The following IQUB variants were observed in gnomAD, a reference collection of about 807,000 sequenced individuals.
IQUB encodes IQ motif and ubiquitin-like domain-containing protein.
A neutral mutation model predicts 86.4 loss-of-function variants in IQUB; 86 were observed. That is an observed-to-expected ratio of 1.00 (90% CI 0.84 to 1.19). The LOEUF is 1.19. Among genes scored for constraint, IQUB ranks in the 50% most tolerant of loss-of-function variants. IQUB has a pLI of 0.00. For missense variants in IQUB, 946 were observed against 916.9 expected (o/e 1.03, Z -0.41); for synonymous variants, 289 against 304.5 (o/e 0.95, Z 0.53).
intron 7 of IQUB, among the ~76,000 whole-genome samples, chr7:123,486,465 C>A (rs1252045609): frequency 1.3e-5 from 2 of 152,176 alleles, no homozygotes; most frequent in African/African-American, 4.8e-5. Context: ...GAAATTATCC[C>A]TTCTACCTTG....
At chr7:123,454,223 C>T (rs1222624472) in intron 12 of IQUB, among the ~76,000 whole-genome samples, 3 of 152,076 alleles carry the variant, frequency 2.0e-5, no homozygotes, top group Non-Finnish European at 2.9e-5. Flanking sequence ...AACTAACACA[C>T]TTTATTATGC....
chr7:123,478,093 T>C (rs1015892641), intron 8 of IQUB, among the ~76,000 whole-genome samples: 5 of 152,198 alleles, frequency 3.3e-5, no homozygotes, highest in African/African-American at 4.8e-5. Flanking sequence ...TTAGTGGGTA[T>C]ATACTCAAAG....
intron 3 of IQUB, among the ~76,000 whole-genome samples, chr7:123,509,117 G>T (rs1796310401): frequency 6.6e-6 from 1 of 151,882 alleles, no homozygotes; most frequent in Admixed American, 6.6e-5. Flanking sequence ...GAAACTTTTT[G>T]TGGCATCATT....
chr7:123,496,929 T>C lies in IQUB; in HGVS notation c.1024-23A>G, dbSNP rs143637378. ...CACCTATAGTTAAATTAAAAGGAAA[T>C]AGAAAGTGCCTATCATCAACTTTTT... is the stretch of plus-strand genomic sequence containing the variant. On this transcript the variant is annotated intron_variant, in intron 6 of 12. Transcript: ENST00000324698. 2.7e-5 allele frequency: 40 copies of C among 1,495,486 alleles called. No individual in the cohort carries two copies. In the African/African-American group the frequency reaches 4.8e-4, roughly 18 times the overall value. 92.6% of individuals were successfully genotyped at this position (1,495,486 alleles called of 1,614,324 possible).
chr7:123,469,064 T>C, intron 9 of IQUB, 150 bp downstream of exon 9: 1 of 468,834 alleles, frequency 2.1e-6, no homozygotes, highest in African/African-American at 2.0e-5. Flanking sequence ...TTTGAGAACT[T>C]TTAGGTAAAT....
At chr7:123,520,495 T>C (rs77254085) in intron 1 of IQUB, among the ~76,000 whole-genome samples, 2,835 of 152,228 alleles carry the variant, frequency 0.019, 45 homozygotes, top group Non-Finnish European at 0.029. Context: ...GGAATGCCTC[T>C]CTGGTTGAAA....
chr7:123,477,768 A>G (rs1054974149), intron 8 of IQUB, among the ~76,000 whole-genome samples: 1 of 152,210 alleles, frequency 6.6e-6, no homozygotes, highest in Non-Finnish European at 1.5e-5. Flanking sequence ...AACCCCATCA[A>G]AAAGTGGGCA....
intron 7 of IQUB, among the ~76,000 whole-genome samples, chr7:123,480,697 T>C (rs1402000604): frequency 1.3e-5 from 2 of 152,280 alleles, no homozygotes; most frequent in Middle Eastern, 3.4e-3. Context: ...CAAATTGATA[T>C]AGTTTTATGT....
Position 123,461,233 on chromosome 7 carries a change from C to T in IQUB, c.2007+124G>A, listed in dbSNP as rs1243821081. 6 of 982,562 alleles carry T rather than the reference C, an allele frequency of 6.1e-6. No homozygotes were observed. The African/African-American group carries it at 6.5e-5, about 11-fold the overall frequency. The allele number at this position is 982,562 out of a possible 1,614,324, so 60.9% of individuals were successfully genotyped here. A position where few individuals can be genotyped will look rare whatever the true frequency, so the allele number is the denominator to read the frequency against. ...AAAGCATACTCCTGCCCTCACAGAG[C>T]TTACAGTCTAGTGGAATAGAGAGTC... On this transcript the variant is annotated intron_variant, in intron 11 of 12. Transcript: ENST00000324698.
chr7:123,479,119 G>T (rs1382048128), intron 8 of IQUB, among the ~76,000 whole-genome samples: 1 of 152,022 alleles, frequency 6.6e-6, no homozygotes, highest in Non-Finnish European at 1.5e-5. Context: ...AGCACTACAG[G>T]CTAACATCTT....
chr7:123,464,824 G>A lies in IQUB; in HGVS notation c.1758+9C>T, dbSNP rs750462787. ...TTGAAACAGGAATATAGAGAAAAAT[G>A]TAGAATACCTTAAGGTATTTTGCAA... On this transcript the variant is annotated intron_variant, in intron 10 of 12. Coordinates refer to ENST00000324698, the MANE Select transcript of IQUB (RefSeq NM_178827.5). The A allele has an allele frequency of 6.6e-7, 1 of 1,525,160 alleles. No individual in the cohort carries two copies. Among genetic ancestry groups the A allele is most frequent in the East Asian group, 2.3e-5 (1 of 42,652 alleles). 94.5% of individuals were successfully genotyped at this position (1,525,160 alleles called of 1,614,324 possible). A position where few individuals can be genotyped will look rare whatever the true frequency, so the allele number is the denominator to read the frequency against.
At chr7:123,521,522 C>T (rs1430093395) in intron 1 of IQUB, among the ~76,000 whole-genome samples, 1 of 152,038 alleles carries the variant, frequency 6.6e-6, no homozygotes, top group Non-Finnish European at 1.5e-5. Context: ...TGGCACGCAC[C>T]TGCAATTCTA....
intron 12 of IQUB, chr7:123,456,537 A>G (rs1226264732): frequency 6.6e-6 from 1 of 151,756 alleles, no homozygotes; most frequent in African/African-American, 2.4e-5. Context: ...TATATTCATC[A>G]CCCCTTGTTC....
intron 7 of IQUB, among the ~76,000 whole-genome samples, chr7:123,484,200 A>G (rs1414190102): frequency 1.3e-5 from 2 of 152,076 alleles, no homozygotes; most frequent in East Asian, 3.9e-4. Context: ...AAGAAGATTT[A>G]TAAATTTAAA....
intron 8 of IQUB, among the ~76,000 whole-genome samples, chr7:123,470,552 T>C (rs1036925122): frequency 3.9e-5 from 6 of 152,144 alleles, no homozygotes; most frequent in South Asian, 2.1e-4. Context: ...TATAAAACTG[T>C]ATTTAGAATG....
At chr7:123,527,887 A>G (rs1317256976) in intron 1 of IQUB, among the ~76,000 whole-genome samples, 28 of 152,176 alleles carry the variant, frequency 1.8e-4, no homozygotes, top group South Asian at 1.7e-3. Flanking sequence ...AGCAAGCCTG[A>G]GCAATGGCGG....
rs1327709376 is a variant in IQUB, at chr7:123,503,224, G to C, written c.672C>G (p.Ile224Met). ...RIDGLTDVSQIITVTVQTGLD... is the reference protein window; with the variant it reads ...RIDGLTDVSQMITVTVQTGLD... ...AACCAGTTTGGACAGTGACAGTTAT[G>C]ATTTGAGAGACATCAGTTAATCCAT... Residue 224 changes from isoleucine (I) to methionine (M), a missense_variant, in exon 4 of 13, where the codon ATC becomes ATG. By Grantham distance (10) the Ile-to-Met change is conservative (BLOSUM62 1). Transcript: ENST00000324698. 1.9e-6 allele frequency: 3 copies of C among 1,611,550 alleles called. No homozygotes were observed. Among genetic ancestry groups the C allele is most frequent in the Non-Finnish European group, 2.5e-6 (3 of 1,178,974 alleles).
intron 8 of IQUB, among the ~76,000 whole-genome samples, chr7:123,473,670 G>A (rs957174120): frequency 3.3e-5 from 5 of 151,982 alleles, no homozygotes; most frequent in Admixed American, 2.6e-4. Context: ...CCACCTCCCG[G>A]GTTCAAGTGA....
In IQUB at chr7:123,511,947, T is replaced by C. The variant is rs2117261032; in HGVS notation, c.394A>G (p.Thr132Ala). 6.3e-7 allele frequency: 1 copy of C among 1,596,382 alleles called. No individual in the cohort carries two copies. The highest frequency in any genetic ancestry group is 8.6e-7 in the Non-Finnish European group (1 of 1,167,196). Residue 132 changes from threonine to alanine, a missense_variant, in exon 2 of 13, where the codon ACA (threonine) becomes GCA (alanine). Transcript: ENST00000324698. ...GCCTATCTTCCTTAGGTAGTACCTG[T>C]TGCTAGAGAATCTTCCACTGATTCT... Reference protein sequence around the residue: ...LQESVEDSLATVKVVLIPVGQ... With the variant: ...LQESVEDSLAAVKVVLIPVGQ...
Sources: gnomAD v4.1 joint callset for allele counts (sites outside exome capture counted in the v4.1 genomes callset) on GRCh38, gnomAD v4.1.1 for gene constraint, MANE v1.5 for transcripts, NCBI Gene and HGNC (gene_info 2026-07-23, HGNC 2026-07-21) for gene names.